The following STXBP5L variants were observed in gnomAD, a reference collection of about 807,000 sequenced individuals.
The protein encoded by STXBP5L is syntaxin-binding protein 5-like.
Under a neutral mutation model 144.5 loss-of-function variants are expected in STXBP5L, and 65 were observed. The ratio of observed to expected loss-of-function variants is 0.45; its 90% CI spans 0.37 to 0.55. The LOEUF is 0.55. Among genes scored for constraint, STXBP5L ranks in the 20% least tolerant of loss-of-function variants. The pLI is 0.00. For synonymous variants in STXBP5L, 505 were observed against 469.6 expected (o/e 1.08, Z -0.97); for missense variants, 1,298 against 1,405.5 (o/e 0.92, Z 1.22).
intron 18 of STXBP5L, among the ~76,000 whole-genome samples, chr3:121,266,457 T>C (rs557612305): frequency 1.3e-5 from 2 of 152,212 alleles, no homozygotes; most frequent in Admixed American, 1.3e-4. Context: ...AATAAACTAG[T>C]AATTGATGGA....
intron 3 of STXBP5L, among the ~76,000 whole-genome samples, chr3:120,972,560 T>C (rs1940397453): frequency 6.6e-6 from 1 of 152,108 alleles, no homozygotes; most frequent in African/African-American, 2.4e-5. Flanking sequence ...ATGCCTCTTA[T>C]TTCTTTCTCT....
At chr3:121,225,117 A>G (rs2049080979) in intron 11 of STXBP5L, among the ~76,000 whole-genome samples, 1 of 152,110 alleles carries the variant, frequency 6.6e-6, no homozygotes, top group African/African-American at 2.4e-5. Flanking sequence ...CTTTAACTCT[A>G]TTGACAGTGC....
intron 11 of STXBP5L, among the ~76,000 whole-genome samples, chr3:121,223,702 T>C (rs1005421928): frequency 1.3e-5 from 2 of 152,188 alleles, no homozygotes; most frequent in Non-Finnish European, 2.9e-5. Flanking sequence ...GAAATGCTTA[T>C]ATATTTTTAT....
chr3:121,229,580 G>A (rs1448220825), intron 11 of STXBP5L, among the ~76,000 whole-genome samples: 1 of 151,906 alleles, frequency 6.6e-6, no homozygotes, highest in Non-Finnish European at 1.5e-5. Flanking sequence ...TTTAGAGACA[G>A]GGTCTTGCCC....
intron 3 of STXBP5L, among the ~76,000 whole-genome samples, chr3:120,996,997 C>T (rs188854193): frequency 1.1e-4 from 16 of 152,210 alleles, no homozygotes; most frequent in African/African-American, 3.6e-4. Flanking sequence ...TCATTTTTAT[C>T]CATGTGTACT....
intron 9 of STXBP5L, among the ~76,000 whole-genome samples, chr3:121,197,889 C>T (rs1310108408): frequency 6.6e-6 from 1 of 152,206 alleles, no homozygotes; most frequent in Non-Finnish European, 1.5e-5. Context: ...TTAATCCAGT[C>T]TATCACTGAT....
At chr3:121,060,177 A>T (rs1171903930) in intron 5 of STXBP5L, among the ~76,000 whole-genome samples, 1 of 152,174 alleles carries the variant, frequency 6.6e-6, no homozygotes, top group Admixed American at 6.6e-5. Context: ...TGTTTTTAGC[A>T]TGAAATGGTG....
intron 3 of STXBP5L, among the ~76,000 whole-genome samples, chr3:120,971,603 T>C (rs1940260383): frequency 6.6e-6 from 1 of 151,778 alleles, no homozygotes; most frequent in Non-Finnish European, 1.5e-5. Flanking sequence ...TTATTCTTTT[T>C]ATGGCTGAGT....
chr3:121,337,857 C>A lies in STXBP5L; in HGVS notation c.2176+19317C>A, dbSNP rs147426794. ...TTAAAAATTGAAATTATATCAAGTA[C>A]CTTCTTAGACCACAGTGGAATAAAA... is the stretch of plus-strand genomic sequence containing the variant. On this transcript the variant is annotated intron_variant, in intron 20 of 26. Transcript: ENST00000471454. Among the ~76,000 whole-genome samples, 44 of 152,174 alleles carry A rather than the reference C, an allele frequency of 2.9e-4. 1 individual carries two copies. In the East Asian group the frequency reaches 8.3e-3, roughly 29 times the overall value.
At chr3:121,378,664 T>C (rs1177448153) in intron 20 of STXBP5L, 52 bp from the exon 21 acceptor site, 3 of 1,548,920 alleles carry the variant, frequency 1.9e-6, no homozygotes, top group Non-Finnish European at 2.6e-6. Context: ...TGTATTCCTT[T>C]GTATTAAGAG....
intron 5 of STXBP5L, among the ~76,000 whole-genome samples, chr3:121,065,800 C>T (rs1172025234): frequency 2.0e-5 from 3 of 152,076 alleles, no homozygotes; most frequent in African/African-American, 4.8e-5. Context: ...CAGGGCTGTG[C>T]GATTTTCTGA....
At chr3:120,971,780 GTA>G (rs3039621) in intron 3 of STXBP5L, among the ~76,000 whole-genome samples, 71,218 of 149,246 alleles carry the variant, frequency 0.48, 17,446 homozygotes, top group African/African-American at 0.56. Flanking sequence ...ATATGTGTAT[GTA>G]TATATATATA....
Position 121,320,866 on chromosome 3 carries a change from AT to A in STXBP5L, c.2176+2332del, listed in dbSNP as rs547107420. 1.6e-4 allele frequency among the ~76,000 whole-genome samples: 24 copies of A among 151,916 alleles called. No individual in the cohort carries two copies. In the East Asian group the frequency reaches 4.5e-3, roughly 28 times the overall value. On this transcript the variant is annotated intron_variant, in intron 20 of 26. Transcript: ENST00000471454. Reference sequence around the variant, plus strand: ...CAGGAGCGTGTCACACACCCAGCTGATTTTTTGTATTTTTAGTAGAGACGGG... The same window carrying A: ...CAGGAGCGTGTCACACACCCAGCTGATTTTTGTATTTTTAGTAGAGACGGG...
At chr3:121,182,594 G>C (rs71329213) in intron 9 of STXBP5L, among the ~76,000 whole-genome samples, 14,103 of 152,150 alleles carry the variant, frequency 0.093, 1,232 homozygotes, top group East Asian at 0.49. Context: ...CAAGGAACTA[G>C]AGAAACAAGA....
chr3:120,948,933 A>G (rs1481199203), intron 2 of STXBP5L, among the ~76,000 whole-genome samples: 2 of 151,490 alleles, frequency 1.3e-5, no homozygotes, highest in Non-Finnish European at 2.9e-5. Context: ...CAATGGTGGG[A>G]TTGCTGGATC....
At position 121,023,083 on chromosome 3, in the gene STXBP5L, A is replaced by G. The variant is rs192220761; in HGVS notation, c.288-18617A>G. ...GATACAAAAATAATGCACACAAATC[A>G]GTAGCTCTTCTATACACCAACAGTT... On this transcript the variant is annotated intron_variant, in intron 3 of 26. Transcript: ENST00000471454. Among the ~76,000 whole-genome samples, 420 of 152,306 alleles carry G rather than the reference A, an allele frequency of 2.8e-3. 3 individuals carry two copies. The highest frequency in any genetic ancestry group is 9.1e-3 in the African/African-American group (379 of 41,580).
At chr3:120,988,629 A>G (rs1315436899) in intron 3 of STXBP5L, among the ~76,000 whole-genome samples, 1 of 151,966 alleles carries the variant, frequency 6.6e-6, no homozygotes, top group Non-Finnish European at 1.5e-5. Flanking sequence ...CTGTTGGTTG[A>G]TTGTGTTGTT....
chr3:121,223,953 T>A (rs916355469), intron 11 of STXBP5L, among the ~76,000 whole-genome samples: 1 of 151,774 alleles, frequency 6.6e-6, no homozygotes, highest in African/African-American at 2.4e-5. Context: ...GATAAATAAA[T>A]AAATAAATCT....
intron 20 of STXBP5L, among the ~76,000 whole-genome samples, chr3:121,374,419 C>G (rs73855378): frequency 6.6e-6 from 1 of 151,964 alleles, no homozygotes. Flanking sequence ...AACATGATAC[C>G]TCCAAAGGAA....
Sources: allele counts gnomAD v4.1 joint callset (sites outside exome capture counted in the v4.1 genomes callset), GRCh38; gene constraint gnomAD v4.1.1; transcripts MANE v1.5; gene names NCBI Gene and HGNC (gene_info 2026-07-23, HGNC 2026-07-21).